Variants in OSBPL3 observed in about 807,000 individuals in gnomAD.
OSBPL3 encodes oxysterol-binding protein-related protein 3.
In OSBPL3, 65 loss-of-function variants were observed where a neutral mutation model predicts 120.1. That is an observed-to-expected ratio of 0.54 (90% CI 0.44 to 0.67). The LOEUF (loss-of-function observed/expected upper bound fraction) is 0.67. Among genes scored for constraint, OSBPL3 ranks in the 30% least tolerant of loss-of-function variants. The probability of loss-of-function intolerance (pLI) is 0.00; values close to 1 mark genes in which losing one functional copy is unlikely to be tolerated. For synonymous variants in OSBPL3, 416 were observed against 402.6 expected, an observed-to-expected ratio of 1.03 and a Z score of -0.40; for missense variants, 1,004 against 1,082.1, an observed-to-expected ratio of 0.93 and a Z score of 1.01.
chr7:24,882,280 T>A (rs920597808), intron 2 of OSBPL3, among the ~76,000 whole-genome samples: 1 of 138,188 alleles, frequency 7.2e-6, no homozygotes, highest in Admixed American at 7.4e-5. Context: ...TGAGTCTCCA[T>A]TATCTAGATC....
Position 24,830,808 on chromosome 7 carries a change from C to T in OSBPL3, c.1844G>A (p.Cys615Tyr). Residue 615 changes from cysteine to tyrosine, a missense_variant, in exon 16 of 23, where the codon TGT becomes TAT. By Grantham distance (194) the Cys-to-Tyr change is radical (BLOSUM62 -2). This residue lies in a region of OSBPL3 where 473 missense variants were observed against 568.0 expected (regional missense o/e 0.83). Coordinates refer to ENST00000313367, the MANE Select transcript of OSBPL3 (RefSeq NM_015550.4). This position sits in a 1 kb window ranked among gnomAD's most constrained non-coding sequence, Gnocchi z 4.4. ...FNPVLGETYE[C>Y]IREDKGFQFF... The stretch of plus-strand genomic sequence containing the variant: ...CTGGAAGCCCTTGTCCTCCCGAATA[C>T]ATTCATATGTTTCTCCAAGAACCGG... 4.3e-6 allele frequency: 7 copies of T among 1,613,990 alleles called. No individual in the cohort carries two copies. The highest frequency in any genetic ancestry group is 5.9e-6 in the Non-Finnish European group (7 of 1,179,958).
In OSBPL3 at chr7:24,877,689, G is replaced by C. The variant is rs1803042192; in HGVS notation, c.97-5620C>G. ...GACTTTAATAATGTGTGCTGGATTA[G>C]AGTGAGTTGGCACTCAGGACAGAAA... On this transcript the variant is annotated intron_variant, in intron 2 of 22. Transcript: ENST00000313367. This position sits in a 1 kb window ranked among gnomAD's most constrained non-coding sequence, Gnocchi z 4.8. Among the ~76,000 whole-genome samples the C allele has an allele frequency of 6.6e-6, 1 of 152,228 alleles. No individual in the cohort carries two copies. The highest frequency in any genetic ancestry group is 1.9e-4 in the East Asian group (1 of 5,194).
Position 24,891,424 on chromosome 7 carries a change from C to T in OSBPL3, c.96+953G>A, listed in dbSNP as rs1042960885. Among the ~76,000 whole-genome samples the T allele has an allele frequency of 2.6e-5, 4 of 152,228 alleles. No individual in the cohort carries two copies. The highest frequency in any genetic ancestry group is 2.1e-4 in the South Asian group (1 of 4,818). ...TGATGATGTGTCATAAACGTGTAGA[C>T]GTGACTGAGGTGGGAGTTGCTTAAT... On this transcript the variant is annotated intron_variant, in intron 2 of 22. Transcript: ENST00000313367. This position sits in a 1 kb window ranked among gnomAD's most constrained non-coding sequence, Gnocchi z 4.1.
At chr7:24,841,696 A>AG (rs1304834850) in intron 13 of OSBPL3, among the ~76,000 whole-genome samples, 6,481 of 118,756 alleles carry the variant, frequency 0.055, 484 homozygotes, top group East Asian at 0.12. Context: ...CTATGTCTCA[A>AG]AAAAAAAAAA....
intron 16 of OSBPL3, among the ~76,000 whole-genome samples, chr7:24,829,485 C>T (rs1796111908): frequency 6.6e-6 from 1 of 152,182 alleles, no homozygotes; most frequent in Non-Finnish European, 1.5e-5. Context: ...TCATAAGTCT[C>T]TCAGCCAACC....
In OSBPL3 at chr7:24,882,846, CTTG is replaced by C. The variant is rs201770007; in HGVS notation, c.96+9528_96+9530del. ...ATTATGTTGAACATTTTTTCATATACTTGTTGGCCACTTGTATGTCTTCTTTTG... is the reference window on the plus strand; with the variant it reads ...ATTATGTTGAACATTTTTTCATATACTTGGCCACTTGTATGTCTTCTTTTG... On this transcript the variant is annotated intron_variant, in intron 2 of 22. Transcript: ENST00000313367. Among the ~76,000 whole-genome samples the C allele has an allele frequency of 7.6e-3, 1,157 of 152,210 alleles. 8 individuals are homozygous for C. The highest frequency in any genetic ancestry group is 0.025 in the African/African-American group (1,049 of 41,532).
intron 1 of OSBPL3, among the ~76,000 whole-genome samples, chr7:24,960,430 G>C (rs1373408385): frequency 6.6e-6 from 1 of 152,202 alleles, no homozygotes; most frequent in Non-Finnish European, 1.5e-5. Flanking sequence ...TGCTAAGCTA[G>C]TCAAGCAGAG....
At chr7:24,981,403 C>A (rs1818334693), upstream of OSBPL3, 1 of 152,338 alleles carries the variant, frequency 6.6e-6, no homozygotes, top group Non-Finnish European at 1.5e-5. This position sits in a 1 kb window ranked among gnomAD's most constrained non-coding sequence, Gnocchi z 7.3. Flanking sequence ...ACCGACCTCA[C>A]CGAGCTGGGC....
chr7:24,976,510 G>T (rs1056161173), intron 1 of OSBPL3, among the ~76,000 whole-genome samples: 3 of 150,758 alleles, frequency 2.0e-5, no homozygotes, highest in Non-Finnish European at 4.4e-5. Flanking sequence ...GGGTGAGCCT[G>T]AAGGTGATCT....
In OSBPL3 at chr7:24,834,591, C is replaced by T; in HGVS notation, c.1641G>A (p.Val547=). The change falls in exon 15 of 23, where the codon GTG becomes GTA. Residue 547 remains valine, a synonymous_variant. Transcript: ENST00000313367. The surrounding 1 kb of genome is among the most constrained non-coding windows in gnomAD (Gnocchi z 5.2). ...GCGTGTTCAGGGGCTCGTTCAGCTC[C>T]ACCGGCATGGCCACCTTGGACAGGT... The part of the protein sequence containing the change: ...GKDLSKVAMP[V]ELNEPLNTLQ... The T allele has an allele frequency of 6.2e-7, 1 of 1,614,224 alleles. No homozygotes were observed. The highest frequency in any genetic ancestry group is 8.5e-7 in the Non-Finnish European group (1 of 1,180,050).
intron 1 of OSBPL3, among the ~76,000 whole-genome samples, chr7:24,904,141 C>T (rs1807493479): frequency 6.6e-6 from 1 of 152,130 alleles, no homozygotes; most frequent in Non-Finnish European, 1.5e-5. Context: ...CCTCAGCCTC[C>T]CAGAGTGCTG....
rs185848387 is a variant in OSBPL3, at chr7:24,841,130, T to A, written c.1402-347A>T. Among the ~76,000 whole-genome samples, 5 of 152,332 alleles carry A rather than the reference T, an allele frequency of 3.3e-5. No individual in the cohort carries two copies. The East Asian group carries it at 5.8e-4, about 18-fold the overall frequency. ...GTCTTTGAGCTATTTGTGTAAAAAG[T>A]ATCTTCTATGGGAATTAATACATAA... On this transcript the variant is annotated intron_variant, in intron 13 of 22. Transcript: ENST00000313367.
intron 1 of OSBPL3, among the ~76,000 whole-genome samples, chr7:24,929,244 T>C (rs1014849316): frequency 4.6e-5 from 7 of 152,342 alleles, no homozygotes; most frequent in African/African-American, 1.4e-4. Context: ...TTTCGTTCAG[T>C]GTGTAACTTT....
At chr7:24,910,462 C>T (rs1047886329) in intron 1 of OSBPL3, among the ~76,000 whole-genome samples, 4 of 152,054 alleles carry the variant, frequency 2.6e-5, no homozygotes, top group Admixed American at 6.5e-5. Flanking sequence ...TAAATGTGGG[C>T]TAATAAAGGA....
At chr7:24,874,482 TA>T (rs1277342231) in intron 2 of OSBPL3, among the ~76,000 whole-genome samples, 1 of 152,152 alleles carries the variant, frequency 6.6e-6, no homozygotes, top group Admixed American at 6.5e-5. Flanking sequence ...AAAAAGTAGA[TA>T]AGATCATACC....
chr7:24,851,089 G>C lies in OSBPL3; in HGVS notation c.1158+1415C>G, dbSNP rs1270490936. On this transcript the variant is annotated intron_variant, in intron 11 of 22. Coordinates refer to ENST00000313367, the MANE Select transcript of OSBPL3 (RefSeq NM_015550.4). This position sits in a 1 kb window ranked among gnomAD's most constrained non-coding sequence, Gnocchi z 4.1. ...CCAGGCCTCTGTGGGAGGAGGCAGG[G>C]AGAGGAAGATCATGGGGAGAGGGAC... Among the ~76,000 whole-genome samples the C allele has an allele frequency of 6.6e-6, 1 of 152,206 alleles. No homozygotes were observed. Among genetic ancestry groups the C allele is most frequent in the Non-Finnish European group, 1.5e-5 (1 of 68,042 alleles).
rs1270114707 is a variant in OSBPL3, at chr7:24,968,077, A to G, written c.-150+11809T>C. 2.6e-5 allele frequency among the ~76,000 whole-genome samples: 4 copies of G among 152,236 alleles called. No homozygotes were observed. Among genetic ancestry groups the G allele is most frequent in the Admixed American group, 2.0e-4 (3 of 15,288 alleles). ...TTACTTGGAATAATATTCAAAAGGT[A>G]TAATTTCAACTTCACACCTATCCTG... On this transcript the variant is annotated intron_variant, in intron 1 of 22. Coordinates refer to ENST00000313367, the MANE Select transcript of OSBPL3 (RefSeq NM_015550.4). This position sits in a 1 kb window ranked among gnomAD's most constrained non-coding sequence, Gnocchi z 4.6.
intron 1 of OSBPL3, among the ~76,000 whole-genome samples, chr7:24,976,172 A>G (rs2128549626): frequency 1.3e-5 from 2 of 152,336 alleles, no homozygotes; most frequent in South Asian, 4.1e-4. Context: ...AGATATAATA[A>G]CAATGCCTGC....
In OSBPL3 at chr7:24,939,077, A is replaced by T. The variant is rs1211962978; in HGVS notation, c.-150+40809T>A. Reference sequence around the variant, plus strand: ...TAGGAACAGTTAAGATAGCCCAAGGAATCAGCACTGAGCAAGAAGAGATGG... The same window carrying T: ...TAGGAACAGTTAAGATAGCCCAAGGTATCAGCACTGAGCAAGAAGAGATGG... On this transcript the variant is annotated intron_variant, in intron 1 of 22. Transcript: ENST00000313367. The surrounding 1 kb of genome is among the most constrained non-coding windows in gnomAD (Gnocchi z 4.2). 6.6e-6 allele frequency among the ~76,000 whole-genome samples: 1 copy of T among 152,166 alleles called. No individual in the cohort carries two copies. Among genetic ancestry groups the T allele is most frequent in the Non-Finnish European group, 1.5e-5 (1 of 68,028 alleles).
Sources: allele counts gnomAD v4.1 joint callset (sites outside exome capture counted in the v4.1 genomes callset), GRCh38; gene constraint gnomAD v4.1.1; regional missense constraint gnomAD v4.1.1; non-coding constraint Gnocchi (gnomAD v3.1); transcripts MANE v1.5; gene names NCBI Gene and HGNC (gene_info 2026-07-23, HGNC 2026-07-21).